AFF3: variants seen among roughly 807,000 people sequenced by gnomAD.
The protein encoded by AFF3 is AF4/FMR2 family member 3.
In AFF3, 32 loss-of-function variants were observed where a neutral mutation model predicts 129.7. That is an observed-to-expected ratio of 0.25 (90% confidence interval 0.19 to 0.33). AFF3 has a LOEUF of 0.33. AFF3 is among the 10% of genes least tolerant of loss of function. The pLI is 1.00. For synonymous variants in AFF3, 644 were observed against 635.4 expected, an observed-to-expected ratio of 1.01 and a Z score of -0.20; for missense variants, 1,373 against 1,592.0, an observed-to-expected ratio of 0.86 and a Z score of 2.34.
At chr2:99,815,167 T>C (rs1465901270) in intron 8 of AFF3, among the ~76,000 whole-genome samples, 1 of 151,984 alleles carries the variant, frequency 6.6e-6, no homozygotes, top group Non-Finnish European at 1.5e-5. Context: ...AGAGAGACAA[T>C]GAGAAGAAAA....
rs575041357 is a variant in AFF3, at chr2:100,140,854, T to C, written c.-228+1630A>G. ...TAGCTACAGTGTAAGGACTGTAATG[T>C]CACTGCTCTGGCCTTAAGTGTCACC... On this transcript the variant is annotated intron_variant, in intron 1 of 24. Coordinates refer to ENST00000672756, the MANE Select transcript of AFF3 (RefSeq NM_001386135.1). Among the ~76,000 whole-genome samples, 12 of 152,286 alleles carry C rather than the reference T, an allele frequency of 7.9e-5. No homozygotes were observed. The South Asian group carries it at 2.3e-3, about 29-fold the overall frequency.
intron 7 of AFF3, among the ~76,000 whole-genome samples, chr2:99,866,426 C>T (rs188490194): frequency 4.6e-5 from 7 of 152,284 alleles, no homozygotes; most frequent in East Asian, 1.9e-4. Context: ...TGGTCTGGGA[C>T]GACGCCTCTG....
chr2:99,912,318 A>G (rs1450639346), intron 7 of AFF3, among the ~76,000 whole-genome samples: 1 of 152,236 alleles, frequency 6.6e-6, no homozygotes, highest in Non-Finnish European at 1.5e-5. Context: ...ATGCTTGATG[A>G]CAAACATAGT....
At chr2:99,838,823 A>G (rs943216257) in intron 7 of AFF3, among the ~76,000 whole-genome samples, 1 of 152,216 alleles carries the variant, frequency 6.6e-6, no homozygotes, top group Non-Finnish European at 1.5e-5. Flanking sequence ...ACTTTAAAAA[A>G]TATTATGAAG....
chr2:100,086,774 T>A (rs1273498793), intron 4 of AFF3, among the ~76,000 whole-genome samples: 1 of 152,208 alleles, frequency 6.6e-6, no homozygotes, highest in Non-Finnish European at 1.5e-5. Context: ...AAATCACCTT[T>A]GTTGAGATAA....
intron 5 of AFF3, among the ~76,000 whole-genome samples, chr2:100,008,557 A>G (rs964792782): frequency 3.3e-5 from 5 of 152,244 alleles, no homozygotes; most frequent in African/African-American, 1.2e-4. Context: ...TTATTGATAA[A>G]AATCACAGCA....
chr2:99,634,691 C>T (rs1257200483), intron 13 of AFF3, among the ~76,000 whole-genome samples: 1 of 151,798 alleles, frequency 6.6e-6, no homozygotes, highest in African/African-American at 2.4e-5. Flanking sequence ...CTTGGCACTC[C>T]CCTCCTTCAT....
intron 7 of AFF3, among the ~76,000 whole-genome samples, chr2:99,868,070 C>T (rs995100459): frequency 6.7e-6 from 1 of 148,344 alleles, no homozygotes; most frequent in Admixed American, 6.8e-5. Flanking sequence ...TGAAGTATGT[C>T]ACTGAAAAAC....
At chr2:99,688,566 C>G (rs1030259742) in intron 11 of AFF3, among the ~76,000 whole-genome samples, 2 of 152,138 alleles carry the variant, frequency 1.3e-5, no homozygotes, top group African/African-American at 4.8e-5. Context: ...TTCGTGTATT[C>G]CTTCATTGAG....
chr2:99,695,938 G>GAAAAAAAAAAAAAAAAAAAAAAAAAAAA (rs10719354), intron 11 of AFF3, among the ~76,000 whole-genome samples: 4 of 57,646 alleles, frequency 6.9e-5, no homozygotes, highest in East Asian at 6.4e-4. Flanking sequence ...CTGGAAAAAT[G>GAAAAAAAAAAAAAAAAAAAAAAAAAAAA]AAAAAAAAAA....
intron 4 of AFF3, among the ~76,000 whole-genome samples, chr2:100,092,481 G>A (rs1342863201): frequency 6.6e-5 from 10 of 152,098 alleles, no homozygotes; most frequent in African/African-American, 9.7e-5. Flanking sequence ...ATGCAAACGT[G>A]ACCATTTTGC....
In AFF3 at chr2:99,550,267, T is replaced by G. The variant is rs1674314973; in HGVS notation, c.*1207A>C. 4.3e-6 allele frequency: 1 copy of G among 231,328 alleles called. No homozygotes were observed. The highest frequency in any genetic ancestry group is 5.6e-5 in the Admixed American group (1 of 17,728). The allele number at this position is 231,328 out of a possible 1,614,324, so 14.3% of individuals were successfully genotyped here. ...CACAGGACACAGGAAGAGGCTCTGGTTGCTGCTGCCCCAGAAAGGAACTGT... is the reference window on the plus strand; with the variant it reads ...CACAGGACACAGGAAGAGGCTCTGGGTGCTGCTGCCCCAGAAAGGAACTGT... On this transcript the variant is annotated 3_prime_UTR_variant, in exon 25 of 25. Transcript: ENST00000672756.
chr2:99,560,562 T>A, intron 20 of AFF3, 126 bp from the exon 21 acceptor site: 1 of 841,912 alleles, frequency 1.2e-6, no homozygotes, highest in Non-Finnish European at 1.9e-6. Context: ...TAGCTTTTCA[T>A]AGTACTTGCT....
chr2:99,749,546 A>G (rs956911928), intron 9 of AFF3, among the ~76,000 whole-genome samples: 1 of 152,230 alleles, frequency 6.6e-6, no homozygotes, highest in Non-Finnish European at 1.5e-5. Context: ...TCTTGGCTAG[A>G]TTACGTGCAA....
At chr2:99,657,909 A>G (rs1685893146) in intron 12 of AFF3, among the ~76,000 whole-genome samples, 1 of 152,234 alleles carries the variant, frequency 6.6e-6, no homozygotes, top group Non-Finnish European at 1.5e-5. Context: ...CCAGATTGTC[A>G]GGGACGGCTC....
chr2:99,752,210 C>G lies in AFF3; in HGVS notation c.1002+11G>C. 6.2e-7 allele frequency: 1 copy of G among 1,604,142 alleles called. No individual in the cohort carries two copies. Among genetic ancestry groups the G allele is most frequent in the Non-Finnish European group, 8.5e-7 (1 of 1,171,058 alleles). Reference sequence around the variant, plus strand: ...TGAAACATATTCCTCCTGAGGGATGCAAGATCTCACCTTATTTGGAAATGG... The same window carrying G: ...TGAAACATATTCCTCCTGAGGGATGGAAGATCTCACCTTATTTGGAAATGG... On this transcript the variant is annotated intron_variant, in intron 9 of 24. Coordinates refer to ENST00000672756, the MANE Select transcript of AFF3 (RefSeq NM_001386135.1).
intron 11 of AFF3, among the ~76,000 whole-genome samples, chr2:99,683,573 C>A (rs547777578): frequency 2.5e-4 from 38 of 152,222 alleles, no homozygotes; most frequent in African/African-American, 7.9e-4. Flanking sequence ...CCTCAGCCCC[C>A]CAAGTAGCTG....
intron 4 of AFF3, among the ~76,000 whole-genome samples, chr2:100,073,384 AC>A (rs1321249856): frequency 6.6e-6 from 1 of 152,160 alleles, no homozygotes; most frequent in African/African-American, 2.4e-5. Flanking sequence ...ACCAGCATCC[AC>A]CAGAAGCTGG....
intron 1 of AFF3, among the ~76,000 whole-genome samples, chr2:100,137,536 T>TACAC (rs3038476): frequency 0.026 from 3,803 of 144,088 alleles, 65 homozygotes; most frequent in Non-Finnish European, 0.034. Context: ...CACACGTGCA[T>TACAC]ACACACACAC....
Sources: allele counts gnomAD v4.1 joint callset (sites outside exome capture counted in the v4.1 genomes callset), GRCh38; gene constraint gnomAD v4.1.1; transcripts MANE v1.5; gene names NCBI Gene and HGNC (gene_info 2026-07-23, HGNC 2026-07-21).